Variants in SH3BP5 observed in about 807,000 individuals in gnomAD.
SH3BP5 encodes SH3 domain-binding protein 5.
In SH3BP5, 22 loss-of-function variants were observed where a neutral mutation model predicts 43.3. The ratio of observed to expected loss-of-function variants is 0.51; its 90% CI spans 0.36 to 0.73. The LOEUF (loss-of-function observed/expected upper bound fraction) is 0.73, where lower values mean the gene tolerates loss of function less well. Among genes scored for constraint, SH3BP5 ranks in the 30% least tolerant of loss-of-function variants. The pLI is 0.00. For synonymous variants in SH3BP5, 255 were observed against 225.8 expected, an observed-to-expected ratio of 1.13 and a Z score of -1.16; for missense variants, 529 against 586.9, an observed-to-expected ratio of 0.90 and a Z score of 1.02.
rs200377695 is a variant in SH3BP5, at chr3:15,295,969, C to CAA, written c.330+8133_330+8134insTT. 5.1e-5 allele frequency among the ~76,000 whole-genome samples: 5 copies of CAA among 98,214 alleles called. No homozygotes were observed. In the South Asian group the frequency reaches 1.0e-3, roughly 20 times the overall value. The allele number at this position is 98,214 out of a possible 152,430, so 64.4% of individuals were successfully genotyped here. ...CATATAATTGATTGTAAGAAACACA[C>CAA]TAAATAAGGGGTCTTTAAACAGAAA... On this transcript the variant is annotated intron_variant, in intron 3 of 8. Transcript: ENST00000383791.
At chr3:15,325,367 G>C (rs1698433902) in intron 2 of SH3BP5, among the ~76,000 whole-genome samples, 1 of 152,196 alleles carries the variant, frequency 6.6e-6, no homozygotes, top group Non-Finnish European at 1.5e-5. Flanking sequence ...CCCATGCCTG[G>C]CACAAGGCCC....
intron 3 of SH3BP5, 118 bp from the exon 4 acceptor site, chr3:15,269,995 C>T (rs1696754256): frequency 1.2e-6 from 1 of 847,350 alleles, no homozygotes; most frequent in Non-Finnish European, 1.8e-6. Flanking sequence ...TCTGCCTCTT[C>T]ACTCCTGGCA....
chr3:15,321,951 T>C (rs1698338110), intron 2 of SH3BP5, among the ~76,000 whole-genome samples: 1 of 152,202 alleles, frequency 6.6e-6, no homozygotes, highest in African/African-American at 2.4e-5. Flanking sequence ...ATGCCTATAA[T>C]CCCAGTACTT....
intron 2 of SH3BP5, among the ~76,000 whole-genome samples, chr3:15,305,359 C>T (rs1017043452): frequency 3.9e-5 from 6 of 152,206 alleles, no homozygotes; most frequent in Non-Finnish European, 8.8e-5. Context: ...ATGTTAAACA[C>T]TGAGTGCAAA....
At chr3:15,257,539 T>C (rs774730493) in intron 7 of SH3BP5, 44 of 158,018 alleles carry the variant, frequency 2.8e-4, no homozygotes, top group South Asian at 5.7e-4. Context: ...CTTAGGGCAA[T>C]AGAAGCAAGA....
intron 1 of SH3BP5, among the ~76,000 whole-genome samples, chr3:15,340,387 AAT>A (rs1163692193): frequency 6.6e-6 from 1 of 152,220 alleles, no homozygotes; most frequent in African/African-American, 2.4e-5. Context: ...GGCAAGTGAA[AAT>A]ATGACAGTGA....
chr3:15,332,170 A>C, intron 1 of SH3BP5, 101 bp downstream of exon 1: 2 of 1,514,410 alleles, frequency 1.3e-6, no homozygotes, highest in Non-Finnish European at 1.8e-6. Context: ...CAGTCCCCGG[A>C]CCACAGTTAC....
At chr3:15,336,770 C>T (rs1698705069), upstream of SH3BP5, among the ~76,000 whole-genome samples, 1 of 152,180 alleles carries the variant, frequency 6.6e-6, no homozygotes. Context: ...TCATTCCCAT[C>T]TTTCTAACCC....
intron 3 of SH3BP5, among the ~76,000 whole-genome samples, chr3:15,281,707 A>C (rs903223412): frequency 6.6e-6 from 1 of 152,190 alleles, no homozygotes; most frequent in Non-Finnish European, 1.5e-5. Flanking sequence ...AATGGCAACA[A>C]AAGAAACATT....
At chr3:15,290,877 G>A (rs1697394365) in intron 3 of SH3BP5, among the ~76,000 whole-genome samples, 1 of 152,092 alleles carries the variant, frequency 6.6e-6, no homozygotes, top group Non-Finnish European at 1.5e-5. Context: ...AACTAATAAA[G>A]GCCATCGAGA....
At chr3:15,307,019 A>G (rs776562387) in intron 2 of SH3BP5, among the ~76,000 whole-genome samples, 3 of 152,106 alleles carry the variant, frequency 2.0e-5, no homozygotes, top group Non-Finnish European at 4.4e-5. Context: ...CATGGGGGCA[A>G]AGGAGGCTCT....
rs115310004 is a variant in SH3BP5, at chr3:15,270,077, C to T, written c.331-200G>A. Among the ~76,000 whole-genome samples the T allele has an allele frequency of 9.2e-3, 1,401 of 152,278 alleles. 15 individuals carry two copies. Among genetic ancestry groups the T allele is most frequent in the African/African-American group, 0.032 (1,323 of 41,548 alleles). ...GGGGAGTGAGCAACAAATCAGTGAGCGAACAATTTCCACAGTTCTGGGCCC... is the reference window on the plus strand; with the variant it reads ...GGGGAGTGAGCAACAAATCAGTGAGTGAACAATTTCCACAGTTCTGGGCCC... On this transcript the variant is annotated intron_variant, in intron 3 of 8. Transcript: ENST00000383791.
intron 3 of SH3BP5, among the ~76,000 whole-genome samples, chr3:15,295,752 T>C (rs746743104): frequency 6.6e-6 from 1 of 152,122 alleles, no homozygotes; most frequent in Non-Finnish European, 1.5e-5. Flanking sequence ...GACGAAGCTA[T>C]GGAAAAGATG....
intron 3 of SH3BP5, among the ~76,000 whole-genome samples, chr3:15,296,567 A>T (rs1697578231): frequency 6.6e-6 from 1 of 152,154 alleles, no homozygotes; most frequent in African/African-American, 2.4e-5. Flanking sequence ...AGAAAAGAAA[A>T]TAATAAATTT....
intron 2 of SH3BP5, among the ~76,000 whole-genome samples, chr3:15,314,370 C>T (rs868127225): frequency 2.6e-5 from 4 of 152,060 alleles, no homozygotes; most frequent in South Asian, 4.1e-4. Context: ...CCTTCCCTCC[C>T]GCCTCTGTCT....
At chr3:15,259,946 T>C (rs892550903) in intron 5 of SH3BP5, 143 bp from the exon 6 acceptor site, 6 of 720,774 alleles carry the variant, frequency 8.3e-6, no homozygotes, top group African/African-American at 1.8e-5. Context: ...GGCCGTGACA[T>C]GTCAGTGATG....
At chr3:15,290,513 G>A (rs1697383183) in intron 3 of SH3BP5, among the ~76,000 whole-genome samples, 1 of 123,656 alleles carries the variant, frequency 8.1e-6, no homozygotes, top group African/African-American at 3.3e-5. Flanking sequence ...GCAACAGAGT[G>A]AGACTCTGTC....
chr3:15,256,246 C>T lies in SH3BP5; in HGVS notation c.1208G>A (p.Gly403Asp). 6.2e-7 allele frequency: 1 copy of T among 1,614,200 alleles called. No individual in the cohort carries two copies. Among genetic ancestry groups the T allele is most frequent in the Non-Finnish European group, 8.5e-7 (1 of 1,180,026 alleles). The change falls in exon 9 of 9, where the codon GGC becomes GAC. Residue 403 changes from glycine to aspartate, a missense_variant. Physicochemically the swap from Gly to Asp is moderately conservative, Grantham distance 94. Transcript: ENST00000383791. ...KTSDKANNNR[G>D]LSSSSGSGGS... ...ACCACTGCCACTGCTACTGCTGAGG[C>T]CCCGGTTGTTGTTGGCTTTGTCACT...
At chr3:15,288,183 T>G (rs1697316320) in intron 3 of SH3BP5, among the ~76,000 whole-genome samples, 1 of 152,180 alleles carries the variant, frequency 6.6e-6, no homozygotes, top group African/African-American at 2.4e-5. Flanking sequence ...TTTAACTGAT[T>G]GGATGAGGAC....
Sources: gnomAD v4.1 joint callset for allele counts (sites outside exome capture counted in the v4.1 genomes callset) on GRCh38, gnomAD v4.1.1 for gene constraint, MANE v1.5 for transcripts, NCBI Gene and HGNC (gene_info 2026-07-23, HGNC 2026-07-21) for gene names.